SGCD: variants seen among roughly 807,000 people sequenced by gnomAD.
SGCD encodes sarcoglycan delta, also known as delta-sarcoglycan.
In SGCD, 18 loss-of-function variants were observed where a neutral mutation model predicts 36.6. That is an observed-to-expected ratio of 0.49 (90% CI 0.34 to 0.73). The LOEUF (loss-of-function observed/expected upper bound fraction) is 0.73. Among genes scored for constraint, SGCD ranks in the 30% least tolerant of loss-of-function variants. The probability of loss-of-function intolerance (pLI) is 0.01; values close to 1 mark genes in which losing one functional copy is unlikely to be tolerated. For synonymous variants in SGCD, 133 were observed against 130.6 expected (o/e 1.02, Z -0.12); for missense variants, 387 against 346.7 (o/e 1.12, Z -0.92).
rs193190877 is a variant in SGCD, at chr5:156,083,779, T to G, written c.-281-34099T>G. Among the ~76,000 whole-genome samples the G allele has an allele frequency of 5.1e-3, 781 of 152,186 alleles. 6 individuals are homozygous for G. The highest frequency in any genetic ancestry group is 0.018 in the African/African-American group (728 of 41,550). The stretch of plus-strand genomic sequence containing the variant: ...AGTGTGAGCTTTAGATCAGGTTTTT[T>G]TTTTGTTTTGTTTTTGTTTTTTGTT... On this transcript the variant is annotated intron_variant, in intron 1 of 9. Transcript: ENST00000517913.
chr5:155,764,490 A>G, the SGCD span, among the ~76,000 whole-genome samples: 1 of 152,128 alleles, frequency 6.6e-6, no homozygotes, highest in Admixed American at 6.5e-5. Context: ...TCTGCTCTGC[A>G]TTTGTTCATT....
chr5:156,553,642 CA>C (rs1758885533), intron 4 of SGCD, among the ~76,000 whole-genome samples: 1 of 152,158 alleles, frequency 6.6e-6, no homozygotes, highest in Non-Finnish European at 1.5e-5. Context: ...CAACCCCTGG[CA>C]ACCCTAATCT....
chr5:156,137,736 A>G (rs1476266392), intron 3 of SGCD, among the ~76,000 whole-genome samples: 3 of 152,106 alleles, frequency 2.0e-5, no homozygotes, highest in African/African-American at 7.2e-5. Flanking sequence ...ATTTTGTCTC[A>G]AATATGGGTG....
chr5:156,469,209 A>G (rs2127825674), intron 3 of SGCD, among the ~76,000 whole-genome samples: 1 of 152,196 alleles, frequency 6.6e-6, no homozygotes, highest in Non-Finnish European at 1.5e-5. Flanking sequence ...TTGTTTTGAG[A>G]GTTTTTTTAG....
At chr5:156,706,490 TCTGCCACC>T (rs1754747182) in intron 7 of SGCD, among the ~76,000 whole-genome samples, 1 of 152,254 alleles carries the variant, frequency 6.6e-6, no homozygotes, top group Non-Finnish European at 1.5e-5. Context: ...ATGTCACATT[TCTGCCACC>T]CTTAGGTGGT....
At chr5:155,872,246 T>C (rs2113277268) in intron 1 of SGCD, among the ~76,000 whole-genome samples, 1 of 152,194 alleles carries the variant, frequency 6.6e-6, no homozygotes, top group South Asian at 2.1e-4. Context: ...TAAGAATATC[T>C]ACAGTCAGAG....
intron 1 of SGCD, among the ~76,000 whole-genome samples, chr5:155,933,528 T>C (rs1432962590): frequency 6.6e-6 from 1 of 152,202 alleles, no homozygotes; most frequent in Admixed American, 6.5e-5. Flanking sequence ...AAATATTTAG[T>C]CATTAATTGT....
At chr5:156,023,181 G>A (rs953282109) in intron 1 of SGCD, among the ~76,000 whole-genome samples, 1 of 152,222 alleles carries the variant, frequency 6.6e-6, no homozygotes, top group Non-Finnish European at 1.5e-5. Context: ...GATTAAATTA[G>A]GGCACATGTG....
chr5:156,613,966 CT>C (rs1761932018), intron 6 of SGCD, among the ~76,000 whole-genome samples: 2 of 152,098 alleles, frequency 1.3e-5, no homozygotes, highest in Admixed American at 1.3e-4. Context: ...TCCTTCCTTC[CT>C]TCCTTCTTTT....
chr5:155,852,322 A>G, the SGCD span, among the ~76,000 whole-genome samples: 1 of 152,130 alleles, frequency 6.6e-6, no homozygotes, highest in Non-Finnish European at 1.5e-5. Flanking sequence ...TTGTCAATAG[A>G]CTTGAAACTT....
At position 155,947,822 on chromosome 5, in the gene SGCD, G is replaced by C. The variant is rs973234305; in HGVS notation, c.-282+77398G>C. ...TCTGATTTAGTGACTCAGCAGAAGA[G>C]ATACTGGAGAGAGAGAGATTGAGAG... is the stretch of plus-strand genomic sequence containing the variant. On this transcript the variant is annotated intron_variant, in intron 1 of 9. Transcript: ENST00000517913. Among the ~76,000 whole-genome samples the C allele has an allele frequency of 3.3e-5, 5 of 152,068 alleles. No individual in the cohort carries two copies. The South Asian group carries it at 8.3e-4, about 25-fold the overall frequency.
intron 1 of SGCD, among the ~76,000 whole-genome samples, chr5:156,060,437 G>T (rs1760175280): frequency 6.8e-6 from 1 of 146,438 alleles, no homozygotes; most frequent in Non-Finnish European, 1.5e-5. Flanking sequence ...CTATCTTCTA[G>T]CCCAAAACAA....
At chr5:156,259,540 A>G (rs188307870) in intron 3 of SGCD, among the ~76,000 whole-genome samples, 59 of 151,228 alleles carry the variant, frequency 3.9e-4, no homozygotes, top group African/African-American at 1.4e-3. Context: ...ATTCTTGTTC[A>G]TTTTTTTACA....
chr5:156,256,892 A>G (rs1765729381), intron 3 of SGCD, among the ~76,000 whole-genome samples: 1 of 152,136 alleles, frequency 6.6e-6, no homozygotes, highest in Non-Finnish European at 1.5e-5. Context: ...TGGATAAAAA[A>G]ATGAGGCTGA....
At chr5:156,098,622 T>G (rs1177595115) in intron 1 of SGCD, among the ~76,000 whole-genome samples, 1 of 145,382 alleles carries the variant, frequency 6.9e-6, no homozygotes, top group Non-Finnish European at 1.5e-5. Flanking sequence ...TATATATTTA[T>G]TTATGTTGCA....
At chr5:156,333,543 G>A (rs1768169360) in intron 2 of SGCD, among the ~76,000 whole-genome samples, 1 of 151,964 alleles carries the variant, frequency 6.6e-6, no homozygotes, top group Non-Finnish European at 1.5e-5. Context: ...GAGAGAACAG[G>A]TTTTCCAGCC....
intron 3 of SGCD, among the ~76,000 whole-genome samples, chr5:156,476,892 A>G (rs1372201035): frequency 6.6e-6 from 1 of 152,316 alleles, no homozygotes; most frequent in East Asian, 1.9e-4. Flanking sequence ...TTGTCTTGAA[A>G]TAGATCTTAG....
chr5:156,172,376 T>C (rs964141348), intron 3 of SGCD, among the ~76,000 whole-genome samples: 34 of 152,252 alleles, frequency 2.2e-4, no homozygotes, highest in African/African-American at 8.0e-4. Flanking sequence ...TCCTTCATGT[T>C]ACAGCACCTG....
chr5:155,964,646 A>G (rs1349951631), intron 1 of SGCD, among the ~76,000 whole-genome samples: 1 of 152,094 alleles, frequency 6.6e-6, no homozygotes, highest in African/African-American at 2.4e-5. Flanking sequence ...TATTCTAGAT[A>G]GAAATGCTAC....
Sources: gnomAD v4.1 joint callset for allele counts (sites outside exome capture counted in the v4.1 genomes callset) on GRCh38, gnomAD v4.1.1 for gene constraint, MANE v1.5 for transcripts, NCBI Gene and HGNC (gene_info 2026-07-23, HGNC 2026-07-21) for gene names.